Variants in ADK observed in about 807,000 individuals in gnomAD.
ADK encodes N6,N6-dimethyladenosine kinase.
A neutral mutation model predicts 44.7 loss-of-function variants in ADK; 24 were observed. The ratio of observed to expected loss-of-function variants is 0.54; its 90% CI spans 0.39 to 0.76. ADK has a LOEUF of 0.76. Among genes scored for constraint, ADK ranks in the 30% least tolerant of loss-of-function variants. The pLI is 0.00. For synonymous variants in ADK, 128 were observed against 142.6 expected (o/e 0.90, Z 0.73); for missense variants, 321 against 425.1 (o/e 0.76, Z 2.15).
intron 10 of ADK, among the ~76,000 whole-genome samples, chr10:74,686,667 T>C (rs1423026674): frequency 2.0e-5 from 3 of 152,072 alleles, no homozygotes; most frequent in Non-Finnish European, 4.4e-5. Flanking sequence ...TTTTTGTTTG[T>C]TTGTTTTTTG....
intron 3 of ADK, among the ~76,000 whole-genome samples, chr10:74,258,029 G>A (rs1312609117): frequency 1.3e-5 from 2 of 152,108 alleles, no homozygotes; most frequent in African/African-American, 4.8e-5. Context: ...TTTCAGAAAT[G>A]TTCTTTTTCC....
In ADK at chr10:74,185,851, A is replaced by G. The variant is rs1159415180; in HGVS notation, c.66-14913A>G. On this transcript the variant is annotated intron_variant, in intron 1 of 10. Coordinates refer to ENST00000539909, the MANE Select transcript of ADK (RefSeq NM_006721.4). The stretch of plus-strand genomic sequence containing the variant: ...GACTCCGTCTCAAAAAGAAAAAAAA[A>G]AAAAAAAAAAAAAAGAAACAGATCC... Among the ~76,000 whole-genome samples the G allele has an allele frequency of 3.0e-4, 44 of 146,834 alleles. 1 individual carries two copies. The highest frequency in any genetic ancestry group is 1.1e-3 in the African/African-American group (43 of 38,202).
chr10:74,235,017 G>A (rs924134408), intron 3 of ADK, among the ~76,000 whole-genome samples: 2 of 152,064 alleles, frequency 1.3e-5, no homozygotes, highest in African/African-American at 4.8e-5. Context: ...ATTTAGGAAG[G>A]CTAGAGAGAG....
At chr10:74,289,486 G>A (rs755377710) in intron 3 of ADK, among the ~76,000 whole-genome samples, 1 of 152,082 alleles carries the variant, frequency 6.6e-6, no homozygotes, top group African/African-American at 2.4e-5. Flanking sequence ...CATGAAGAAA[G>A]CTAAAACACT....
At position 74,415,955 on chromosome 10, in the gene ADK, T is replaced by A. The variant is rs188870197; in HGVS notation, c.555+17376T>A. The stretch of plus-strand genomic sequence containing the variant: ...ACCTATTTCTCTATTGCAAGTGTTA[T>A]AAAGAGTCTTTTAAGCTTTTGCTCA... On this transcript the variant is annotated intron_variant, in intron 6 of 10. Coordinates refer to ENST00000539909, the MANE Select transcript of ADK (RefSeq NM_006721.4). Among the ~76,000 whole-genome samples, 8 of 151,926 alleles carry A rather than the reference T, an allele frequency of 5.3e-5. No individual in the cohort carries two copies. The East Asian group carries it at 1.5e-3, about 29-fold the overall frequency.
chr10:74,398,436 T>G lies in ADK; in HGVS notation c.447-35T>G, dbSNP rs1382678217. ...TATTGAAACATATGCTAAGTTTGAC[T>G]ATAATATTACTTGCTTATTCTTTGG... On this transcript the variant is annotated intron_variant, in intron 5 of 10. Coordinates refer to ENST00000539909, the MANE Select transcript of ADK (RefSeq NM_006721.4). The G allele has an allele frequency of 2.1e-6, 3 of 1,426,276 alleles. No individual in the cohort carries two copies. The African/African-American group carries it at 4.2e-5, about 20-fold the overall frequency. The allele number at this position is 1,426,276 out of a possible 1,614,324, so 88.4% of individuals were successfully genotyped here. A position where few individuals can be genotyped will look rare whatever the true frequency, so the allele number is the denominator to read the frequency against.
At chr10:74,196,892 G>T (rs1295079691) in intron 1 of ADK, among the ~76,000 whole-genome samples, 1 of 152,092 alleles carries the variant, frequency 6.6e-6, no homozygotes, top group Non-Finnish European at 1.5e-5. Context: ...TTTATTAGGT[G>T]GTCCAACAAC....
At chr10:74,173,932 T>G (rs1842241498) in intron 1 of ADK, among the ~76,000 whole-genome samples, 1 of 152,114 alleles carries the variant, frequency 6.6e-6, no homozygotes, top group Non-Finnish European at 1.5e-5. Flanking sequence ...GACTCTTTAC[T>G]ATAGTTAATT....
At chr10:74,309,594 T>C (rs1233078878) in intron 3 of ADK, among the ~76,000 whole-genome samples, 3 of 152,176 alleles carry the variant, frequency 2.0e-5, no homozygotes, top group Non-Finnish European at 4.4e-5. Context: ...ATATTGATTC[T>C]GCTGCTTTGT....
rs555615788 is a variant in ADK at position 74,645,280 on chromosome 10, T to A, written c.878-24903T>A. 3.3e-5 allele frequency among the ~76,000 whole-genome samples: 5 copies of A among 152,326 alleles called. No individual in the cohort carries two copies. The South Asian group carries it at 1.0e-3, about 32-fold the overall frequency. ...TTCTACTTCTCTGTTCAGTATATTT[T>A]TGCAAGTGTTTCAGTTTTCTTCAGT... On this transcript the variant is annotated intron_variant, in intron 9 of 10. Coordinates refer to ENST00000539909, the MANE Select transcript of ADK (RefSeq NM_006721.4).
intron 9 of ADK, among the ~76,000 whole-genome samples, chr10:74,643,199 A>G (rs1853933554): frequency 6.6e-6 from 1 of 152,014 alleles, no homozygotes. Flanking sequence ...CTCATTCCCA[A>G]CTCAAGTCAG....
intron 4 of ADK, among the ~76,000 whole-genome samples, chr10:74,321,096 C>G (rs1438258875): frequency 6.6e-6 from 1 of 152,098 alleles, no homozygotes; most frequent in Non-Finnish European, 1.5e-5. Flanking sequence ...TGTTTTTAAG[C>G]TTCCTGCAAT....
chr10:74,168,800 A>T (rs1842095380), intron 1 of ADK, among the ~76,000 whole-genome samples: 1 of 151,684 alleles, frequency 6.6e-6, no homozygotes, highest in African/African-American at 2.4e-5. Flanking sequence ...TTTAGTAGTG[A>T]TGGGGTTTCT....
chr10:74,216,724 C>CA (rs66939717), intron 2 of ADK, among the ~76,000 whole-genome samples: 118,026 of 135,162 alleles, frequency 0.87, 53,018 homozygotes, highest in South Asian at 0.98. Context: ...AACTCTGTCT[C>CA]AAAAAAAAAA....
chr10:74,340,672 G>A (rs1203592033), intron 4 of ADK, among the ~76,000 whole-genome samples: 4 of 152,080 alleles, frequency 2.6e-5, no homozygotes, highest in African/African-American at 2.4e-5. Context: ...AATTCAGTAA[G>A]AACACATATG....
At chr10:74,349,861 A>G (rs1437004246) in intron 4 of ADK, among the ~76,000 whole-genome samples, 1 of 152,204 alleles carries the variant, frequency 6.6e-6, no homozygotes, top group African/African-American at 2.4e-5. Context: ...CAACAAGAAG[A>G]GCTATCGTAA....
chr10:74,341,783 A>T (rs544304228), intron 4 of ADK, among the ~76,000 whole-genome samples: 1 of 152,288 alleles, frequency 6.6e-6, no homozygotes, highest in East Asian at 1.9e-4. Flanking sequence ...TTGTCTTGAC[A>T]ATTCATTTAT....
intron 10 of ADK, among the ~76,000 whole-genome samples, chr10:74,679,512 T>C (rs928591517): frequency 1.3e-5 from 2 of 152,156 alleles, no homozygotes; most frequent in African/African-American, 2.4e-5. Context: ...TTCTGTGAAA[T>C]CCCAAAGTCT....
intron 6 of ADK, among the ~76,000 whole-genome samples, chr10:74,457,638 C>G (rs757728431): frequency 6.6e-6 from 1 of 152,046 alleles, no homozygotes. Flanking sequence ...CAGTGATAGA[C>G]GGGATAAAGA....
Sources: gnomAD v4.1 joint callset for allele counts (sites outside exome capture counted in the v4.1 genomes callset) on GRCh38, gnomAD v4.1.1 for gene constraint, MANE v1.5 for transcripts, NCBI Gene and HGNC (gene_info 2026-07-23, HGNC 2026-07-21) for gene names.